FBH1: variants seen among roughly 807,000 people sequenced by gnomAD.
FBH1 encodes F-box DNA helicase 1, also known as DNA 3'-5' helicase 1.
Under a neutral mutation model 115.5 loss-of-function variants are expected in FBH1, and 43 were observed. The ratio of observed to expected loss-of-function variants is 0.37; its 90% CI spans 0.29 to 0.48. FBH1 has a LOEUF of 0.48. FBH1 is among the 20% of genes least tolerant of loss of function. The pLI, the probability that FBH1 is intolerant of heterozygous loss-of-function variation, is 0.99. For missense variants in FBH1, 1,001 were observed against 1,337.3 expected, an observed-to-expected ratio of 0.75 and a Z score of 3.92; for synonymous variants, 524 against 507.8, an observed-to-expected ratio of 1.03 and a Z score of -0.43.
At chr10:5,905,949 T>C in intron 2 of FBH1, 88 bp from the exon 3 acceptor site, 2 of 915,422 alleles carry the variant, frequency 2.2e-6, no homozygotes, top group Middle Eastern at 2.2e-4. Context: ...ACATAGATAA[T>C]TGAAAATTAG....
In FBH1 at chr10:5,912,882, C is replaced by T. The variant is rs140285281; in HGVS notation, c.1212-865C>T. Among the ~76,000 whole-genome samples the T allele has an allele frequency of 3.0e-3, 450 of 152,260 alleles. 2 individuals are homozygous for T. Among genetic ancestry groups the T allele is most frequent in the African/African-American group, 9.7e-3 (402 of 41,548 alleles). On this transcript the variant is annotated intron_variant, in intron 6 of 20. Coordinates refer to ENST00000362091, the MANE Select transcript of FBH1 (RefSeq NM_178150.3). ...GCAGTATGTATGTTGATTTTTGTTG[C>T]GTTTCTTTGTTTCTTCCTGTTTTTT...
Position 5,924,127 on chromosome 10 carries a change from C to T in FBH1, c.2399-184C>T. The stretch of plus-strand genomic sequence containing the variant: ...TGCTCCTCAGTCGGAGACGGAGAGG[C>T]TACTGCACTGCACTGACTTGCCCAG... On this transcript the variant is annotated intron_variant, in intron 16 of 20. Coordinates refer to ENST00000362091, the MANE Select transcript of FBH1 (RefSeq NM_178150.3). This position sits in a 1 kb window ranked among gnomAD's most constrained non-coding sequence, Gnocchi z 6.2. 4.9e-6 allele frequency: 3 copies of T among 614,858 alleles called. No individual in the cohort carries two copies. The highest frequency in any genetic ancestry group is 8.6e-6 in the Non-Finnish European group (3 of 348,640). The allele number at this position is 614,858 out of a possible 1,614,324, so 38.1% of individuals were successfully genotyped here.
Position 5,927,418 on chromosome 10 carries a change from C to T in FBH1, c.2723-17C>T. On this transcript the variant is annotated splice_polypyrimidine_tract_variant and intron_variant, in intron 18 of 20. Coordinates refer to ENST00000362091, the MANE Select transcript of FBH1 (RefSeq NM_178150.3). ...TAAGGCTTTTTAGTTGATTTTTTTC[C>T]CCTTTACTTTGTTTAGAGTCATTTT... The T allele has an allele frequency of 6.3e-7, 1 of 1,575,036 alleles. No individual in the cohort carries two copies. The highest frequency in any genetic ancestry group is 8.7e-7 in the Non-Finnish European group (1 of 1,154,908).
At chr10:5,922,713 G>A (rs912969812) in intron 15 of FBH1, among the ~76,000 whole-genome samples, 1 of 152,166 alleles carries the variant, frequency 6.6e-6, no homozygotes, top group Admixed American at 6.5e-5. Flanking sequence ...GGAGTGTGGG[G>A]CCCTGGTTGT....
intron 1 of FBH1, chr10:5,891,177 C>T (rs1313520118): frequency 7.1e-6 from 7 of 985,668 alleles, no homozygotes; most frequent in Non-Finnish European, 7.2e-6. Context: ...CAGCGTCTGC[C>T]GCTGTGGTAA....
intron 2 of FBH1, 106 bp from the exon 3 acceptor site, chr10:5,905,931 C>T: frequency 1.3e-6 from 1 of 750,048 alleles, no homozygotes; most frequent in Non-Finnish European, 2.2e-6. Flanking sequence ...TATCTCTTTC[C>T]ACTATTAACA....
At chr10:5,928,995 C>G (rs757828471) in intron 19 of FBH1, among the ~76,000 whole-genome samples, 2 of 152,178 alleles carry the variant, frequency 1.3e-5, no homozygotes, top group Non-Finnish European at 2.9e-5. Flanking sequence ...GGTTGAACCA[C>G]AGGGTGCAGG....
rs1350717669 is a variant in FBH1, at chr10:5,910,161, A to G, written c.1021-777A>G. Among the ~76,000 whole-genome samples the G allele has an allele frequency of 3.9e-5, 6 of 152,096 alleles. No homozygotes were observed. The highest frequency in any genetic ancestry group is 7.3e-5 in the Non-Finnish European group (5 of 68,032). On this transcript the variant is annotated intron_variant, in intron 5 of 20. Transcript: ENST00000362091. The surrounding 1 kb of genome is among the most constrained non-coding windows in gnomAD (Gnocchi z 4.8). ...GCCGAGCATGGTGGCATGTGCCTGT[A>G]GTACTGGCTACTCTGGAGGCTGAGA...
At chr10:5,891,793 G>A (rs1272828931) in intron 1 of FBH1, among the ~76,000 whole-genome samples, 1 of 152,078 alleles carries the variant, frequency 6.6e-6, no homozygotes, top group African/African-American at 2.4e-5. Flanking sequence ...TGTATTTTTA[G>A]TAGAGACGGG....
intron 2 of FBH1, 117 bp downstream of exon 2, chr10:5,903,292 A>G (rs1843474645): frequency 2.8e-6 from 2 of 709,926 alleles, no homozygotes; most frequent in East Asian, 3.2e-5. Context: ...GTCTTCATGC[A>G]ATAGCTTGAC....
Position 5,925,233 on chromosome 10 carries a change from C to G in FBH1, c.2597-134C>G. ...GTTCCCGACAGTTGTTTCCTCTTTC[C>G]CCCTTTTCCTACAAAACTGCACTGA... On this transcript the variant is annotated intron_variant, in intron 17 of 20. Coordinates refer to ENST00000362091, the MANE Select transcript of FBH1 (RefSeq NM_178150.3). This position sits in a 1 kb window ranked among gnomAD's most constrained non-coding sequence, Gnocchi z 4.6. The G allele has an allele frequency of 9.6e-7, 1 of 1,043,472 alleles. No individual in the cohort carries two copies. The highest frequency in any genetic ancestry group is 2.5e-5 in the East Asian group (1 of 39,492). The allele number at this position is 1,043,472 out of a possible 1,614,324, so 64.6% of individuals were successfully genotyped here.
rs567485163 is a variant in FBH1, at chr10:5,918,637, C to G, written c.2100+159C>G. Among the ~76,000 whole-genome samples the G allele has an allele frequency of 6.6e-6, 1 of 152,084 alleles. No individual in the cohort carries two copies. Among genetic ancestry groups the G allele is most frequent in the African/African-American group, 2.4e-5 (1 of 41,480 alleles). Reference sequence around the variant, plus strand: ...TGGTTCTCAGGGGTCTGCCAAGTCACACTGTTTTCATAAGAGGTGTGTGCA... The same window carrying G: ...TGGTTCTCAGGGGTCTGCCAAGTCAGACTGTTTTCATAAGAGGTGTGTGCA... On this transcript the variant is annotated intron_variant, in intron 13 of 20. Transcript: ENST00000362091. This position sits in a 1 kb window ranked among gnomAD's most constrained non-coding sequence, Gnocchi z 4.0.
rs560152235 is a variant in FBH1, at chr10:5,912,919, T to C, written c.1212-828T>C. 7.9e-5 allele frequency among the ~76,000 whole-genome samples: 12 copies of C among 152,346 alleles called. No individual in the cohort carries two copies. In the East Asian group the frequency reaches 2.3e-3, roughly 29 times the overall value. On this transcript the variant is annotated intron_variant, in intron 6 of 20. Coordinates refer to ENST00000362091, the MANE Select transcript of FBH1 (RefSeq NM_178150.3). ...TCTTCCTGTTTTTTCTGGGAGATAA[T>C]ATAATCACATCTGAAATGTTGGATT...
rs1843288125 is a variant in FBH1 at position 5,900,547 on chromosome 10, G to A, written c.2-2473G>A. On this transcript the variant is annotated intron_variant, in intron 1 of 20. Transcript: ENST00000362091. The surrounding 1 kb of genome is among the most constrained non-coding windows in gnomAD (Gnocchi z 4.2). ...TCATGGGGTTGCACCCAGCTTCTGA[G>A]TTCAGGTAGTTAGACGATTTCCAGC... Among the ~76,000 whole-genome samples the A allele has an allele frequency of 6.6e-6, 1 of 152,260 alleles. No individual in the cohort carries two copies. The highest frequency in any genetic ancestry group is 2.1e-4 in the South Asian group (1 of 4,838).
Position 5,936,460 on chromosome 10 carries a change from A to T in FBH1, c.2834A>T (p.Tyr945Phe). 1.2e-6 allele frequency: 2 copies of T among 1,613,624 alleles called. No homozygotes were observed. The highest frequency in any genetic ancestry group is 1.7e-6 in the Non-Finnish European group (2 of 1,179,808). ...LENILTLAGE[Y>F]FLQAELTSNV... Reference sequence around the variant, plus strand: ...TTCTCGCTCTTTCTTTCTCAGGAGTACTTCTTGCAAGCAGAGCTGACAAGC... The same window carrying T: ...TTCTCGCTCTTTCTTTCTCAGGAGTTCTTCTTGCAAGCAGAGCTGACAAGC... The change falls in exon 20 of 21, where the codon TAC (tyrosine) becomes TTC (phenylalanine). Residue 945 changes from tyrosine (Y) to phenylalanine (F), a missense_variant. Transcript: ENST00000362091. This position sits in a 1 kb window ranked among gnomAD's most constrained non-coding sequence, Gnocchi z 5.6.
Position 5,911,201 on chromosome 10 carries a change from C to T in FBH1, c.1211+73C>T. ...CCCAGACACAGCAGCAGGTCCAGCC[C>T]TGCCACTTAGCAGTGTTAGCACCTG... On this transcript the variant is annotated intron_variant, in intron 6 of 20. Coordinates refer to ENST00000362091, the MANE Select transcript of FBH1 (RefSeq NM_178150.3). This position sits in a 1 kb window ranked among gnomAD's most constrained non-coding sequence, Gnocchi z 5.4. The T allele has an allele frequency of 6.8e-7, 1 of 1,461,656 alleles. No individual in the cohort carries two copies. The allele number at this position is 1,461,656 out of a possible 1,614,324, so 90.5% of individuals were successfully genotyped here.
rs189353543 is a variant in FBH1 at position 5,895,026 on chromosome 10, T to C, written c.1+4680T>C. 6 of 1,602,184 alleles carry C rather than the reference T, an allele frequency of 3.7e-6. No homozygotes were observed. The East Asian group carries it at 1.1e-4, about 30-fold the overall frequency. On this transcript the variant is annotated intron_variant, in intron 1 of 20. Coordinates refer to ENST00000362091, the MANE Select transcript of FBH1 (RefSeq NM_178150.3). The surrounding 1 kb of genome is among the most constrained non-coding windows in gnomAD (Gnocchi z 5.0). ...GGAGTTGAGAGATAACACAGTTAAC[T>C]GTTGAAATTGGGCCATTCCCGTTTC...
In FBH1 at chr10:5,906,995, C is replaced by T. The variant is rs1479565871; in HGVS notation, c.753+363C>T. 3.3e-5 allele frequency among the ~76,000 whole-genome samples: 5 copies of T among 151,922 alleles called. No individual in the cohort carries two copies. Among genetic ancestry groups the T allele is most frequent in the African/African-American group, 1.2e-4 (5 of 41,352 alleles). ...TTTTTTTTTTTGAGACAGAGTTTCC[C>T]ACTGTTGCCCAGGCTGGAGTGCAGT... On this transcript the variant is annotated intron_variant, in intron 3 of 20. Coordinates refer to ENST00000362091, the MANE Select transcript of FBH1 (RefSeq NM_178150.3). The surrounding 1 kb of genome is among the most constrained non-coding windows in gnomAD (Gnocchi z 7.3).
intron 13 of FBH1, among the ~76,000 whole-genome samples, chr10:5,919,770 C>A (rs1832206826): frequency 6.6e-6 from 1 of 152,188 alleles, no homozygotes; most frequent in African/African-American, 2.4e-5. Flanking sequence ...CCTTGAGCTC[C>A]TACTGCTGTG....
Sources: gnomAD v4.1 joint callset for allele counts (sites outside exome capture counted in the v4.1 genomes callset) on GRCh38, gnomAD v4.1.1 for gene constraint, Gnocchi (gnomAD v3.1) non-coding constraint, MANE v1.5 for transcripts, NCBI Gene and HGNC (gene_info 2026-07-23, HGNC 2026-07-21) for gene names.